Variants in TTC23 observed in about 807,000 individuals in gnomAD.
The protein encoded by TTC23 is tetratricopeptide repeat protein 23.
TTC23 carries 58 observed loss-of-function variants against 55.1 expected under a neutral mutation model. The observed-to-expected ratio is 1.05, with a 90% confidence interval of 0.85 to 1.31. The LOEUF (loss-of-function observed/expected upper bound fraction) is 1.31. TTC23 is among the 50% of genes most tolerant of loss of function. The pLI is 0.00. For synonymous variants in TTC23, 203 were observed against 199.9 expected (o/e 1.02, Z -0.13); for missense variants, 516 against 534.4 (o/e 0.97, Z 0.34).
chr15:99,194,895 T>C (rs1371885933), intron 9 of TTC23, among the ~76,000 whole-genome samples: 1 of 152,230 alleles, frequency 6.6e-6, no homozygotes, highest in African/African-American at 2.4e-5. Context: ...ATTGTACCAT[T>C]GCACTCTGGC....
intron 12 of TTC23, chr15:99,139,700 GGA>G (rs2067999154): frequency 1.7e-5 from 23 of 1,373,534 alleles, no homozygotes; most frequent in Non-Finnish European, 2.1e-5. Flanking sequence ...ACTGACCAGA[GGA>G]TGGGCTCCAG....
chr15:99,169,426 G>A (rs2072605351), intron 10 of TTC23, among the ~76,000 whole-genome samples: 1 of 152,168 alleles, frequency 6.6e-6, no homozygotes, highest in Non-Finnish European at 1.5e-5. Flanking sequence ...CAGCTAAGAA[G>A]GGCATGGGAA....
intron 10 of TTC23, among the ~76,000 whole-genome samples, chr15:99,169,916 G>A (rs1261167097): frequency 6.6e-6 from 1 of 152,182 alleles, no homozygotes; most frequent in East Asian, 1.9e-4. Flanking sequence ...GCCTGCAAGA[G>A]CCCAGGCCGC....
chr15:99,157,243 T>C (rs2070732577), intron 11 of TTC23: 1 of 143,118 alleles, frequency 7.0e-6, no homozygotes, highest in African/African-American at 2.6e-5. Flanking sequence ...ACAGAGTCTC[T>C]CTTTGTCTAC....
chr15:99,209,002 T>G (rs1434741381), intron 8 of TTC23, among the ~76,000 whole-genome samples: 2 of 152,226 alleles, frequency 1.3e-5, no homozygotes, highest in East Asian at 3.8e-4. Flanking sequence ...CAGAAAATTT[T>G]GAATAACAGA....
intron 3 of TTC23, among the ~76,000 whole-genome samples, chr15:99,236,089 C>T (rs1384061612): frequency 6.6e-6 from 1 of 152,136 alleles, no homozygotes; most frequent in Non-Finnish European, 1.5e-5. Context: ...AATAATACTG[C>T]TATTGAACAT....
intron 6 of TTC23, among the ~76,000 whole-genome samples, chr15:99,221,421 C>G (rs1391670315): frequency 1.3e-5 from 2 of 152,164 alleles, no homozygotes; most frequent in African/African-American, 2.4e-5. Flanking sequence ...TTCTGGGCCC[C>G]TATTCCATAC....
At position 99,244,779 on chromosome 15, in the gene TTC23, C is replaced by A. The variant is rs148198798; in HGVS notation, c.-309+610G>T. 5.3e-4 allele frequency among the ~76,000 whole-genome samples: 81 copies of A among 151,994 alleles called. No homozygotes were observed. The East Asian group carries it at 0.015, about 29-fold the overall frequency. ...TTTTGCAGAAATTAACAAGTTGATCCTTATTATGGATGAATTAAGATGGAA... is the reference window on the plus strand; with the variant it reads ...TTTTGCAGAAATTAACAAGTTGATCATTATTATGGATGAATTAAGATGGAA... On this transcript the variant is annotated intron_variant, in intron 2 of 13. Transcript: ENST00000394132.
intron 8 of TTC23, among the ~76,000 whole-genome samples, chr15:99,211,339 C>T (rs1179551016): frequency 6.6e-6 from 1 of 151,964 alleles, no homozygotes; most frequent in Non-Finnish European, 1.5e-5. Flanking sequence ...CACGCCACTG[C>T]ACTCCAGCCT....
rs375822304 is a variant in TTC23 at position 99,175,528 on chromosome 15, G to A, written c.760-373C>T. ...GGCAAGCCCAGTGCCCTGCCTACCC[G>A]CCAGCCCCAAAAGTGGGACCTACCG... On this transcript the variant is annotated intron_variant, in intron 9 of 13. Coordinates refer to ENST00000394132, the MANE Select transcript of TTC23 (RefSeq NM_001288615.3). 1.3e-4 allele frequency among the ~76,000 whole-genome samples: 20 copies of A among 152,310 alleles called. No individual in the cohort carries two copies. The East Asian group carries it at 2.5e-3, about 19-fold the overall frequency.
intron 1 of TTC23, among the ~76,000 whole-genome samples, chr15:99,248,467 C>T (rs550649790): frequency 1.3e-5 from 2 of 152,330 alleles, no homozygotes; most frequent in Admixed American, 1.3e-4. Flanking sequence ...TTGCTAACAA[C>T]TCACTCACTA....
intron 12 of TTC23, among the ~76,000 whole-genome samples, chr15:99,147,515 G>A (rs375700813): frequency 5.8e-4 from 88 of 152,160 alleles, no homozygotes; most frequent in African/African-American, 1.9e-3. Context: ...GTGAGCCACC[G>A]CGCCCAGCCT....
chr15:99,202,779 G>A (rs554143905), intron 8 of TTC23, among the ~76,000 whole-genome samples: 1 of 152,322 alleles, frequency 6.6e-6, no homozygotes, highest in East Asian at 1.9e-4. Context: ...TCAGTTGTAA[G>A]TAAGCAGCAG....
intron 1 of TTC23, among the ~76,000 whole-genome samples, chr15:99,248,904 C>T (rs1190485634): frequency 6.6e-6 from 1 of 151,958 alleles, no homozygotes; most frequent in Non-Finnish European, 1.5e-5. Flanking sequence ...ATGTTTTGTT[C>T]AGCCATTAGC....
At chr15:99,149,278 C>G (rs2069385047) in intron 12 of TTC23, among the ~76,000 whole-genome samples, 1 of 152,216 alleles carries the variant, frequency 6.6e-6, no homozygotes, top group Admixed American at 6.5e-5. Flanking sequence ...GCACGCACCA[C>G]AGTGCACAAC....
chr15:99,218,701 A>G lies in TTC23; in HGVS notation c.468T>C (p.Ala156=). The G allele has an allele frequency of 6.2e-7, 1 of 1,614,068 alleles. No homozygotes were observed. The highest frequency in any genetic ancestry group is 8.5e-7 in the Non-Finnish European group (1 of 1,180,022). Reference sequence around the variant, plus strand: ...TCTCTGCTTTTGTCAAATTCTCTGCAGCTTCCTTAAATCTGAATTGTGTTC... The same window carrying G: ...TCTCTGCTTTTGTCAAATTCTCTGCGGCTTCCTTAAATCTGAATTGTGTTC... ...ALLSLQKFKE[A]AENLTKAERL... is the part of the protein sequence containing the mutation. The change falls in exon 8 of 14, where the codon GCT becomes GCC. Residue 156 remains alanine (A), a synonymous_variant. Coordinates refer to ENST00000394132, the MANE Select transcript of TTC23 (RefSeq NM_001288615.3).
At chr15:99,156,692 C>T (rs1222317357) in intron 11 of TTC23, among the ~76,000 whole-genome samples, 2 of 152,188 alleles carry the variant, frequency 1.3e-5, no homozygotes, top group Non-Finnish European at 2.9e-5. Context: ...TCAATCACCT[C>T]CCACAGGGTC....
intron 12 of TTC23, among the ~76,000 whole-genome samples, chr15:99,150,259 T>C (rs1160247344): frequency 1.3e-5 from 2 of 152,218 alleles, no homozygotes; most frequent in Non-Finnish European, 2.9e-5. Context: ...CTGAGTCCTC[T>C]TGTCTCCATT....
chr15:99,138,852 G>A lies in TTC23; in HGVS notation c.1226+465C>T, dbSNP rs114588745. Among the ~76,000 whole-genome samples the A allele has an allele frequency of 1.6e-3, 239 of 152,352 alleles. 1 individual carries two copies. The highest frequency in any genetic ancestry group is 5.6e-3 in the African/African-American group (233 of 41,600). The stretch of plus-strand genomic sequence containing the variant: ...GGCAGCCCTGGGGCTGCTCTCTGCG[G>A]ACCAGGCTCTGTGAGGTAGGCCCTC... On this transcript the variant is annotated intron_variant, in intron 13 of 13. Transcript: ENST00000394132.
Sources: gnomAD v4.1 joint callset for allele counts (sites outside exome capture counted in the v4.1 genomes callset) on GRCh38, gnomAD v4.1.1 for gene constraint, MANE v1.5 for transcripts, NCBI Gene and HGNC (gene_info 2026-07-23, HGNC 2026-07-21) for gene names.